DNMT3A: variants seen among roughly 807,000 people sequenced by gnomAD.
DNMT3A encodes DNA (cytosine-5)-methyltransferase 3A.
Under a neutral mutation model 117.6 loss-of-function variants are expected in DNMT3A, and 267 were observed. That is an observed-to-expected ratio of 2.27 (90% confidence interval 2.05 to 2.51). The LOEUF is 2.51. Among genes scored for constraint, DNMT3A ranks in the 30% most tolerant of loss-of-function variants. DNMT3A has a pLI of 0.00. For synonymous variants in DNMT3A, 432 were observed against 474.8 expected (o/e 0.91, Z 1.17); for missense variants, 1,029 against 1,260.2 (o/e 0.82, Z 2.78).
intron 9 of DNMT3A, 115 bp from the exon 10 acceptor site, chr2:25,246,891 C>G (rs115742335): frequency 2.6e-6 from 4 of 1,524,208 alleles, no homozygotes; most frequent in Non-Finnish European, 3.6e-6. Context: ...GGGGAGGAAC[C>G]GCTGAGGAGG....
chr2:25,315,886 C>T (rs1426864306), intron 1 of DNMT3A, among the ~76,000 whole-genome samples: 1 of 152,210 alleles, frequency 6.6e-6, no homozygotes, highest in East Asian at 1.9e-4. Context: ...CACACTAAAA[C>T]AAAAACCTTC....
chr2:25,308,560 C>G (rs548864333), intron 2 of DNMT3A, among the ~76,000 whole-genome samples: 1 of 152,298 alleles, frequency 6.6e-6, no homozygotes, highest in African/African-American at 2.4e-5. Flanking sequence ...CAACCCTCTC[C>G]TAACTCCCCC....
At chr2:25,309,753 G>A (rs1324089871) in intron 2 of DNMT3A, among the ~76,000 whole-genome samples, 1 of 152,142 alleles carries the variant, frequency 6.6e-6, no homozygotes, top group African/African-American at 2.4e-5. Context: ...TGCGGCAATT[G>A]TAAGAATTAA....
chr2:25,307,368 T>C (rs2033837053), intron 2 of DNMT3A, among the ~76,000 whole-genome samples: 1 of 151,798 alleles, frequency 6.6e-6, no homozygotes. Context: ...GGTTTCACCA[T>C]GTTGGCCTTG....
chr2:25,261,395 T>C lies in DNMT3A; in HGVS notation c.640-13143A>G, dbSNP rs1676588932. ...CAGAGGTTGCAGTGAGCCAAGACCA[T>C]GCCACTGCACTCCAGCCTGGGTGAC... On this transcript the variant is annotated intron_variant, in intron 6 of 22. Coordinates refer to ENST00000321117, the MANE Select transcript of DNMT3A (RefSeq NM_022552.5). Among the ~76,000 whole-genome samples the C allele has an allele frequency of 2.2e-5, 3 of 135,528 alleles. No homozygotes were observed. The South Asian group carries it at 7.5e-4, about 34-fold the overall frequency. The allele number at this position is 135,528 out of a possible 152,430, so 88.9% of individuals were successfully genotyped here. A position where few individuals can be genotyped will look rare whatever the true frequency, so the allele number is the denominator to read the frequency against.
At chr2:25,317,727 G>A (rs1050438239) in intron 1 of DNMT3A, among the ~76,000 whole-genome samples, 12 of 152,170 alleles carry the variant, frequency 7.9e-5, no homozygotes, top group Non-Finnish European at 1.8e-4. Flanking sequence ...CCAAGGAGAG[G>A]AAGGTTATTT....
At chr2:25,322,756 C>T (rs1455452729) in intron 1 of DNMT3A, among the ~76,000 whole-genome samples, 1 of 151,600 alleles carries the variant, frequency 6.6e-6, no homozygotes, top group African/African-American at 2.4e-5. Context: ...CCCCCTGCCA[C>T]CCCACAGTCT....
At chr2:25,267,710 A>C (rs530605172) in intron 6 of DNMT3A, among the ~76,000 whole-genome samples, 7 of 152,386 alleles carry the variant, frequency 4.6e-5, no homozygotes, top group African/African-American at 1.2e-4. Context: ...TAGGAGCTTT[A>C]AATGTTGTGT....
At chr2:25,317,022 G>C (rs2034408055) in intron 1 of DNMT3A, among the ~76,000 whole-genome samples, 1 of 152,162 alleles carries the variant, frequency 6.6e-6, no homozygotes, top group Admixed American at 6.5e-5. Context: ...GCATACCAAG[G>C]CTCACTACCT....
intron 1 of DNMT3A, among the ~76,000 whole-genome samples, chr2:25,326,407 A>G (rs1428600411): frequency 1.3e-5 from 2 of 152,104 alleles, no homozygotes; most frequent in Non-Finnish European, 2.9e-5. Context: ...TTGTTTTTGT[A>G]TGGGAGTTCA....
At chr2:25,279,836 A>G (rs986159055) in intron 4 of DNMT3A, among the ~76,000 whole-genome samples, 1 of 152,038 alleles carries the variant, frequency 6.6e-6, no homozygotes, top group African/African-American at 2.4e-5. Flanking sequence ...ACAGGCATGC[A>G]CCACCAAGCT....
rs56901099 is a variant in DNMT3A at position 25,284,645 on chromosome 2, T to TAA, written c.178-1936_178-1935dup. Reference sequence around the variant, plus strand: ...CTGGGCAACAGAGTGAGACTCCATCTAAAAAAAAAAAAAAAAAAAAAAAAA... The same window carrying TAA: ...CTGGGCAACAGAGTGAGACTCCATCTAAAAAAAAAAAAAAAAAAAAAAAAAAA... On this transcript the variant is annotated intron_variant, in intron 3 of 22. Coordinates refer to ENST00000321117, the MANE Select transcript of DNMT3A (RefSeq NM_022552.5). Among the ~76,000 whole-genome samples, 89 of 16,644 alleles carry TAA rather than the reference T, an allele frequency of 5.3e-3. 14 individuals are homozygous for TAA. The highest frequency in any genetic ancestry group is 0.029 in the African/African-American group (71 of 2,424). 10.9% of individuals were successfully genotyped at this position (16,644 alleles called of 152,430 possible). A position where few individuals can be genotyped will look rare whatever the true frequency, so the allele number is the denominator to read the frequency against.
rs774107238 is a variant in DNMT3A at position 25,233,820 on chromosome 2, T to C, written c.*459A>G. ...AAACAAAAAAAAAAACAACCCAATA[T>C]ATAGATTTCTATAGAATTTCCTTTT... On this transcript the variant is annotated 3_prime_UTR_variant, in exon 23 of 23. Coordinates refer to ENST00000321117, the MANE Select transcript of DNMT3A (RefSeq NM_022552.5). The C allele has an allele frequency of 2.3e-4, 51 of 217,752 alleles. No individual in the cohort carries two copies. The highest frequency in any genetic ancestry group is 5.9e-4 in the South Asian group (3 of 5,064). The allele number at this position is 217,752 out of a possible 1,614,324, so 13.5% of individuals were successfully genotyped here.
chr2:25,240,574 T>A (rs1673890497), intron 18 of DNMT3A, 66 bp downstream of exon 18: 18 of 1,604,656 alleles, frequency 1.1e-5, no homozygotes, highest in East Asian at 8.9e-5. Context: ...GGCAGAAATA[T>A]CCAAGGAGGA....
At chr2:25,330,700 G>A (rs1320908705) in intron 1 of DNMT3A, among the ~76,000 whole-genome samples, 1 of 152,108 alleles carries the variant, frequency 6.6e-6, no homozygotes, top group South Asian at 2.1e-4. Context: ...CCAGCTACAG[G>A]GCAAGGTCCC....
At chr2:25,250,376 A>C (rs927814179) in intron 6 of DNMT3A, among the ~76,000 whole-genome samples, 3 of 152,372 alleles carry the variant, frequency 2.0e-5, no homozygotes, top group Non-Finnish European at 2.9e-5. Context: ...AACAAATTCT[A>C]AAACAGGATA....
intron 1 of DNMT3A, among the ~76,000 whole-genome samples, chr2:25,319,626 T>A (rs747712298): frequency 3.9e-5 from 6 of 152,246 alleles, no homozygotes; most frequent in Admixed American, 6.5e-5. Context: ...AGGGCCAGCC[T>A]TCCCACTGAG....
chr2:25,331,869 T>C (rs1219557837), intron 1 of DNMT3A, among the ~76,000 whole-genome samples: 3 of 138,924 alleles, frequency 2.2e-5, no homozygotes, highest in Non-Finnish European at 4.7e-5. Context: ...CCCAGCTCCA[T>C]GTGGGAGGCA....
chr2:25,230,136 T>A lies in DNMT3A; in HGVS notation c.*4143A>T, dbSNP rs1413589440. 1 of 152,218 alleles carries A rather than the reference T, an allele frequency of 6.6e-6. No individual in the cohort carries two copies. Among genetic ancestry groups the A allele is most frequent in the African/African-American group, 2.4e-5 (1 of 41,444 alleles). 9.4% of individuals were successfully genotyped at this position (152,218 alleles called of 1,614,324 possible). ...CTCTCTTGGAAAGTTTGCTTTCCAA[T>A]AGGATGTTCAATAGCAAGAAGTCTC... On this transcript the variant is annotated 3_prime_UTR_variant, in exon 23 of 23. Transcript: ENST00000321117.
Sources: allele counts gnomAD v4.1 joint callset (sites outside exome capture counted in the v4.1 genomes callset), GRCh38; gene constraint gnomAD v4.1.1; transcripts MANE v1.5; gene names NCBI Gene and HGNC (gene_info 2026-07-23, HGNC 2026-07-21).